The following CACNB2 variants were observed in gnomAD, a reference collection of about 807,000 sequenced individuals.
CACNB2 encodes the protein calcium voltage-gated channel auxiliary subunit beta 2, also known as voltage-dependent L-type calcium channel subunit beta-2.
In CACNB2, 42 loss-of-function variants were observed where a neutral mutation model predicts 73.3. That is an observed-to-expected ratio of 0.57 (90% CI 0.45 to 0.74). CACNB2 has a LOEUF of 0.74. CACNB2 is among the 30% of genes least tolerant of loss of function. CACNB2 has a pLI of 0.00. For synonymous variants in CACNB2, 348 were observed against 310.3 expected (o/e 1.12, Z -1.28); for missense variants, 940 against 853.0 (o/e 1.10, Z -1.27).
intron 2 of CACNB2, among the ~76,000 whole-genome samples, chr10:18,220,228 TATATAGAGAGAGAG>T (rs1469476456): frequency 8.6e-4 from 35 of 40,932 alleles, no homozygotes; most frequent in African/African-American, 4.3e-3. Flanking sequence ...TATATATATA[TATATAGAGAGAGAG>T]AGAGAGAGAG....
chr10:18,288,170 C>G (rs920457689), intron 2 of CACNB2, among the ~76,000 whole-genome samples: 1 of 152,200 alleles, frequency 6.6e-6, no homozygotes, highest in African/African-American at 2.4e-5. Context: ...CTAAATCAGG[C>G]CACATTCTGA....
At chr10:18,298,727 A>G (rs1404625394) in intron 2 of CACNB2, among the ~76,000 whole-genome samples, 2 of 152,218 alleles carry the variant, frequency 1.3e-5, no homozygotes, top group African/African-American at 4.8e-5. Flanking sequence ...CCTTTCAGAG[A>G]AAACATGCCA....
chr10:18,168,520 A>AGT (rs1239725538), intron 2 of CACNB2, among the ~76,000 whole-genome samples: 2 of 118,296 alleles, frequency 1.7e-5, no homozygotes, highest in Non-Finnish European at 3.7e-5. Flanking sequence ...TGTGTGTGTG[A>AGT]GTGTGTGTGT....
chr10:18,481,970 A>T (rs1032027121), intron 3 of CACNB2, among the ~76,000 whole-genome samples: 1 of 152,154 alleles, frequency 6.6e-6, no homozygotes, highest in African/African-American at 2.4e-5. Context: ...GCTTACTGCA[A>T]CCTGTGCCTC....
chr10:18,488,673 T>G (rs1235556393), intron 3 of CACNB2, among the ~76,000 whole-genome samples: 1 of 152,050 alleles, frequency 6.6e-6, no homozygotes, highest in African/African-American at 2.4e-5. Flanking sequence ...TTTTTTTGCC[T>G]TTCTTTATAC....
At chr10:18,485,506 A>C (rs2049008596) in intron 3 of CACNB2, among the ~76,000 whole-genome samples, 1 of 152,042 alleles carries the variant, frequency 6.6e-6, no homozygotes, top group African/African-American at 2.4e-5. Flanking sequence ...AGTGGATAAA[A>C]AAAACGGATT....
intron 3 of CACNB2, among the ~76,000 whole-genome samples, chr10:18,409,842 G>C (rs779162365): frequency 6.6e-6 from 1 of 152,160 alleles, no homozygotes; most frequent in Non-Finnish European, 1.5e-5. Context: ...GGTGGCTAGA[G>C]TTTCATCACT....
At chr10:18,224,221 A>G (rs2035899415) in intron 2 of CACNB2, 1 of 152,134 alleles carries the variant, frequency 6.6e-6, no homozygotes, top group Non-Finnish European at 1.5e-5. Flanking sequence ...GACTATGAAC[A>G]ACTGCTTTAA....
intron 2 of CACNB2, among the ~76,000 whole-genome samples, chr10:18,303,296 A>T (rs539730198): frequency 6.6e-6 from 1 of 152,286 alleles, no homozygotes; most frequent in South Asian, 2.1e-4. Context: ...TGAGCTGAGG[A>T]GTTCAAGAAC....
chr10:18,482,466 T>G (rs1485896519), intron 3 of CACNB2, among the ~76,000 whole-genome samples: 1 of 152,170 alleles, frequency 6.6e-6, no homozygotes, highest in Non-Finnish European at 1.5e-5. Flanking sequence ...CTGGCTAGAC[T>G]GAAGATGCCT....
intron 2 of CACNB2, among the ~76,000 whole-genome samples, chr10:18,169,665 T>C (rs1374356420): frequency 2.0e-5 from 3 of 152,192 alleles, no homozygotes; most frequent in Non-Finnish European, 4.4e-5. Context: ...ATTAACACTT[T>C]ATTGGGAACT....
chr10:18,520,746 CCAGA>C (rs539825637), intron 9 of CACNB2, among the ~76,000 whole-genome samples: 29 of 152,304 alleles, frequency 1.9e-4, no homozygotes, highest in South Asian at 1.7e-3. Context: ...TTTGAGTGTT[CCAGA>C]CAGATTACAC....
At chr10:18,498,635 T>C in intron 4 of CACNB2, 158 bp downstream of exon 4, 2 of 746,180 alleles carry the variant, frequency 2.7e-6, no homozygotes, top group Non-Finnish European at 4.5e-6. Context: ...CCTCTGCTAA[T>C]ATAAATATAC....
chr10:18,317,068 A>C (rs2040214906), intron 2 of CACNB2, among the ~76,000 whole-genome samples: 2 of 151,978 alleles, frequency 1.3e-5, no homozygotes, highest in Admixed American at 1.3e-4. Context: ...CCTCCCATGC[A>C]CTCATAAACT....
At chr10:18,485,529 C>A (rs1230941878) in intron 3 of CACNB2, among the ~76,000 whole-genome samples, 1 of 150,298 alleles carries the variant, frequency 6.7e-6, no homozygotes, top group African/African-American at 2.4e-5. Context: ...ATCTTCTTGA[C>A]CTGTCTTTTC....
chr10:18,489,256 G>A (rs1040662555), intron 3 of CACNB2, among the ~76,000 whole-genome samples: 1 of 151,926 alleles, frequency 6.6e-6, no homozygotes, highest in Non-Finnish European at 1.5e-5. Context: ...TGGACATGGT[G>A]GTGGGTGCCT....
chr10:18,248,179 C>T (rs2036941515), intron 2 of CACNB2, among the ~76,000 whole-genome samples: 1 of 152,098 alleles, frequency 6.6e-6, no homozygotes, highest in Non-Finnish European at 1.5e-5. Flanking sequence ...GTAGAAAAGC[C>T]CCACTTTTCC....
chr10:18,228,584 A>G (rs2036106369), intron 2 of CACNB2, among the ~76,000 whole-genome samples: 1 of 152,172 alleles, frequency 6.6e-6, no homozygotes, highest in Non-Finnish European at 1.5e-5. Context: ...ATTTGAATCC[A>G]GGTCTTTCAC....
intron 3 of CACNB2, among the ~76,000 whole-genome samples, chr10:18,479,417 TAAAA>T (rs199734377): frequency 6.6e-6 from 1 of 151,252 alleles, no homozygotes; most frequent in African/African-American, 2.4e-5. Context: ...TTGAGAACCA[TAAAA>T]AAAAACTTAA....
Sources: allele counts gnomAD v4.1 joint callset (sites outside exome capture counted in the v4.1 genomes callset), GRCh38; gene constraint gnomAD v4.1.1; transcripts MANE v1.5; gene names NCBI Gene and HGNC (gene_info 2026-07-23, HGNC 2026-07-21).